CCL28: variants seen among roughly 807,000 people sequenced by gnomAD.
The protein encoded by CCL28 is C-C motif chemokine 28.
A neutral mutation model predicts 7.1 loss-of-function variants in CCL28; 4 were observed. That is an observed-to-expected ratio of 0.56 (90% confidence interval 0.28 to 1.29). CCL28 has a LOEUF of 1.29. Among genes scored for constraint, CCL28 ranks in the 50% most tolerant of loss-of-function variants. CCL28 has a pLI of 0.11. For missense variants in CCL28, 151 were observed against 163.4 expected (o/e 0.92, Z 0.41); for synonymous variants, 55 against 57.8 (o/e 0.95, Z 0.22).
chr5:43,376,638 A>G (rs1223797378), downstream of CCL28: 4 of 152,294 alleles, frequency 2.6e-5, no homozygotes, highest in Non-Finnish European at 5.9e-5. Flanking sequence ...ACATTGAGAC[A>G]GCAGAGTTTG....
the CCL28 span, among the ~76,000 whole-genome samples, chr5:43,371,280 C>T: frequency 2.0e-4 from 31 of 152,190 alleles, 1 homozygote; most frequent in South Asian, 1.0e-3. Context: ...TTAGTTTCAC[C>T]GGTTTTTGTA....
chr5:43,381,868 G>A lies in CCL28; in HGVS notation c.376C>T (p.Pro126Ser). ...ATTTATCTGTAGACTCTCTAATAAG[G>A]AGTTTTATGGCCGTATGTTTCGTGT... is the stretch of plus-strand genomic sequence containing the variant. The part of the protein sequence containing the change: ...GKHETYGHKT[P>S]Y Residue 126 changes from proline to serine, a missense_variant, in exon 3 of 3, where the codon CCT (proline) becomes TCT (serine). Coordinates refer to ENST00000361115, the MANE Select transcript of CCL28 (RefSeq NM_148672.3). 2 of 1,612,926 alleles carry A rather than the reference G, an allele frequency of 1.2e-6. No individual in the cohort carries two copies. Among genetic ancestry groups the A allele is most frequent in the South Asian group, 2.2e-5 (2 of 90,922 alleles).
At chr5:43,396,869 G>T (rs934242618) in intron 1 of CCL28, among the ~76,000 whole-genome samples, 1 of 152,240 alleles carries the variant, frequency 6.6e-6, no homozygotes, top group Admixed American at 6.5e-5. Flanking sequence ...AGGAGAGACT[G>T]AAGTGGAAAA....
At chr5:43,378,770 G>A (rs1739990099), downstream of CCL28, among the ~76,000 whole-genome samples, 1 of 152,106 alleles carries the variant, frequency 6.6e-6, no homozygotes, top group Non-Finnish European at 1.5e-5. Context: ...AGACCATCCT[G>A]GCCAACATGG....
At chr5:43,408,835 A>G (rs1741414107) in intron 1 of CCL28, among the ~76,000 whole-genome samples, 5 of 151,404 alleles carry the variant, frequency 3.3e-5, no homozygotes, top group African/African-American at 9.7e-5. Flanking sequence ...TAATATTAGG[A>G]TAAATTCTTT....
At chr5:43,412,114 C>A in intron 1 of CCL28, 139 bp downstream of exon 1, 1 of 575,396 alleles carries the variant, frequency 1.7e-6, no homozygotes, top group Non-Finnish European at 2.9e-6. Flanking sequence ...ATGTCATTCT[C>A]TTGTAGGTAA....
intron 1 of CCL28, among the ~76,000 whole-genome samples, chr5:43,403,969 A>C (rs1193966998): frequency 1.3e-5 from 2 of 152,186 alleles, no homozygotes; most frequent in Non-Finnish European, 2.9e-5. Flanking sequence ...AAAAAGAATA[A>C]AAAGAAATGA....
chr5:43,368,864 T>C, the CCL28 span, among the ~76,000 whole-genome samples: 14 of 152,176 alleles, frequency 9.2e-5, no homozygotes, highest in South Asian at 2.1e-3. Flanking sequence ...GTTGATACCT[T>C]CAGACTTCTA....
At chr5:43,399,944 C>G (rs759839480) in intron 1 of CCL28, among the ~76,000 whole-genome samples, 1 of 151,596 alleles carries the variant, frequency 6.6e-6, no homozygotes, top group Non-Finnish European at 1.5e-5. Context: ...TGCCCAGGCT[C>G]AAGTGATCCT....
intron 1 of CCL28, among the ~76,000 whole-genome samples, chr5:43,405,339 A>G (rs942608352): frequency 4.6e-5 from 7 of 152,240 alleles, no homozygotes; most frequent in Non-Finnish European, 1.5e-5. Flanking sequence ...AGGATTAAGA[A>G]ACTCACTCAA....
the CCL28 span, among the ~76,000 whole-genome samples, chr5:43,368,751 T>G: frequency 6.6e-6 from 1 of 152,060 alleles, no homozygotes; most frequent in African/African-American, 2.4e-5. Flanking sequence ...AAGAAGATGA[T>G]GTGAAGGGAC....
chr5:43,360,820 C>G, the CCL28 span, among the ~76,000 whole-genome samples: 1 of 151,924 alleles, frequency 6.6e-6, no homozygotes, highest in Admixed American at 6.6e-5. Flanking sequence ...GGATATGAGA[C>G]CTTTTTTTCT....
chr5:43,411,495 T>TCTTTC (rs1244573684), intron 1 of CCL28, among the ~76,000 whole-genome samples: 4 of 152,130 alleles, frequency 2.6e-5, no homozygotes, highest in Non-Finnish European at 5.9e-5. Flanking sequence ...TCTTTTTCTT[T>TCTTTC]CTTTCCTTTC....
In CCL28 at chr5:43,381,749, T is replaced by C; in HGVS notation, c.*111A>G. ...ATTGTTCATTTTTTAAAAACCAATATTTTGTTTTGTTCTGTTGTCTACAAT... is the reference window on the plus strand; with the variant it reads ...ATTGTTCATTTTTTAAAAACCAATACTTTGTTTTGTTCTGTTGTCTACAAT... On this transcript the variant is annotated 3_prime_UTR_variant, in exon 3 of 3. Transcript: ENST00000361115. 1 of 893,666 alleles carries C rather than the reference T, an allele frequency of 1.1e-6. No homozygotes were observed. The highest frequency in any genetic ancestry group is 1.8e-5 in the South Asian group (1 of 55,576). The allele number at this position is 893,666 out of a possible 1,614,324, so 55.4% of individuals were successfully genotyped here.
the CCL28 span, among the ~76,000 whole-genome samples, chr5:43,369,377 A>T: frequency 6.6e-6 from 1 of 152,108 alleles, no homozygotes; most frequent in African/African-American, 2.4e-5. Context: ...AATAAACAAA[A>T]TTGATGTTTC....
the CCL28 span, among the ~76,000 whole-genome samples, chr5:43,361,948 T>C: frequency 1.3e-5 from 2 of 151,644 alleles, no homozygotes; most frequent in Non-Finnish European, 2.9e-5. Flanking sequence ...CCAGCTTTGT[T>C]TTTTTGCTTA....
intron 1 of CCL28, among the ~76,000 whole-genome samples, chr5:43,391,482 T>C (rs1740569853): frequency 6.6e-6 from 1 of 152,222 alleles, no homozygotes; most frequent in African/African-American, 2.4e-5. Context: ...TGTGGAAATG[T>C]AGATGTGAAT....
At chr5:43,393,458 G>A (rs542012987) in intron 1 of CCL28, among the ~76,000 whole-genome samples, 11 of 151,958 alleles carry the variant, frequency 7.2e-5, no homozygotes, top group Non-Finnish European at 1.3e-4. Flanking sequence ...GGGTTCAAGC[G>A]ATTCTCCTGC....
intron 2 of CCL28, 28 bp downstream of exon 2, chr5:43,388,322 T>C: frequency 6.2e-7 from 1 of 1,613,516 alleles, no homozygotes; most frequent in Non-Finnish European, 8.5e-7. Flanking sequence ...CTGTGCAGGT[T>C]TAGACCTCCC....
Sources: gnomAD v4.1 joint callset for allele counts (sites outside exome capture counted in the v4.1 genomes callset) on GRCh38, gnomAD v4.1.1 for gene constraint, MANE v1.5 for transcripts, NCBI Gene and HGNC (gene_info 2026-07-23, HGNC 2026-07-21) for gene names.